Variants in FANCD2 observed in about 807,000 individuals in gnomAD.
FANCD2 encodes the protein FA complementation group D2, also known as Fanconi anemia group D2 protein.
Under a neutral mutation model 192.3 loss-of-function variants are expected in FANCD2, and 131 were observed. The ratio of observed to expected loss-of-function variants is 0.68; its 90% CI spans 0.59 to 0.79. FANCD2 has a LOEUF of 0.79. Among genes scored for constraint, FANCD2 ranks in the 30% least tolerant of loss-of-function variants. FANCD2 has a pLI of 0.00. For missense variants in FANCD2, 1,508 were observed against 1,701.6 expected, an observed-to-expected ratio of 0.89 and a Z score of 2.00; for synonymous variants, 524 against 612.5, an observed-to-expected ratio of 0.86 and a Z score of 2.13.
intron 19 of FANCD2, among the ~76,000 whole-genome samples, chr3:10,061,333 C>T (rs149408476): frequency 2.0e-4 from 31 of 152,298 alleles, no homozygotes; most frequent in African/African-American, 7.5e-4. Context: ...CTCCCTCTAA[C>T]CCCACCCCAA....
At chr3:10,054,265 G>A (rs1171091419) in intron 18 of FANCD2, among the ~76,000 whole-genome samples, 6 of 148,816 alleles carry the variant, frequency 4.0e-5, no homozygotes, top group Admixed American at 2.0e-4. Flanking sequence ...ATCATAACTT[G>A]TAACTCGTTT....
intron 18 of FANCD2, among the ~76,000 whole-genome samples, chr3:10,055,832 T>G (rs575292685): frequency 1.3e-5 from 2 of 151,754 alleles, no homozygotes; most frequent in East Asian, 1.9e-4. Flanking sequence ...TAATAATAAA[T>G]AAATAAATAA....
Position 10,043,030 on chromosome 3 carries a change from C to T in FANCD2, c.889-20C>T, listed in dbSNP as rs2086903543. 6.2e-7 allele frequency: 1 copy of T among 1,602,902 alleles called. No homozygotes were observed. Among genetic ancestry groups the T allele is most frequent in the African/African-American group, 1.3e-5 (1 of 74,672 alleles). On this transcript the variant is annotated intron_variant, in intron 11 of 43. Coordinates refer to ENST00000675286, the MANE Select transcript of FANCD2 (RefSeq NM_001018115.3). ...ACTATGAATGAGCAGAAAACCATAG[C>T]TAATATTTACTTTCTGCAGGTAATT...
chr3:10,074,809 A>G (rs1412699180), intron 29 of FANCD2, 136 bp downstream of exon 29: 6 of 715,434 alleles, frequency 8.4e-6, no homozygotes, highest in Non-Finnish European at 1.2e-5. Flanking sequence ...ATGTGAAAGC[A>G]ATGATGAATA....
chr3:10,088,316 C>T (rs1694358948), intron 34 of FANCD2, 133 bp from the exon 35 acceptor site: 2 of 721,010 alleles, frequency 2.8e-6, no homozygotes, highest in South Asian at 2.9e-5. Flanking sequence ...TGTAAGTTGC[C>T]TGTTAGACCG....
At chr3:10,082,711 A>G (rs1188694887) in intron 32 of FANCD2, among the ~76,000 whole-genome samples, 1 of 152,096 alleles carries the variant, frequency 6.6e-6, no homozygotes, top group East Asian at 1.9e-4. Context: ...TTAAGCATCC[A>G]TCCTGCCTCT....
In FANCD2 at chr3:10,039,745, C is replaced by G. The variant is rs756336462; in HGVS notation, c.595C>G (p.Leu199Val). The change falls in exon 9 of 44, where the codon CTG becomes GTG. Residue 199 changes from leucine to valine, a missense_variant. This residue lies in a region of FANCD2 where 435 missense variants were observed against 421.9 expected (regional missense o/e 1.03). Transcript: ENST00000675286. The stretch of plus-strand genomic sequence containing the variant: ...GGACCTCACCACCAAGATCATGCAG[C>G]TGATCAGTATTGCTCCAGAGAACCT... ...GKDLTTKIMQLISIAPENLQH... is the reference protein window; with the variant it reads ...GKDLTTKIMQVISIAPENLQH... 12 of 1,614,004 alleles carry G rather than the reference C, an allele frequency of 7.4e-6. No individual in the cohort carries two copies. Among genetic ancestry groups the G allele is most frequent in the Admixed American group, 1.7e-5 (1 of 59,984 alleles).
intron 30 of FANCD2, 120 bp from the exon 31 acceptor site, chr3:10,080,980 C>T: frequency 9.4e-7 from 1 of 1,067,746 alleles, no homozygotes. Context: ...AGGTTAACAA[C>T]TCATTTCTCC....
intron 28 of FANCD2, 149 bp from the exon 29 acceptor site, chr3:10,074,381 A>T: frequency 1.4e-6 from 1 of 692,376 alleles, no homozygotes; most frequent in Non-Finnish European, 2.4e-6. Flanking sequence ...GGGAATATTT[A>T]GGGACTTGGG....
At position 10,096,386 on chromosome 3, in the gene FANCD2, TTA is replaced by T; in HGVS notation, c.4100_4101del (p.Leu1367CysfsTer14). On this transcript the variant is annotated frameshift_variant, in exon 42 of 44. Coordinates refer to ENST00000675286, the MANE Select transcript of FANCD2 (RefSeq NM_001018115.3). LOFTEE classifies it high-confidence loss of function. Reference sequence around the variant, plus strand: ...TCTGCTCAAAAAGACCCTGGAACTTTTAGTTTGCAGAGTCAAAGCTATGCTCA... The same window carrying T: ...TCTGCTCAAAAAGACCCTGGAACTTTGTTTGCAGAGTCAAAGCTATGCTCA... The part of the protein sequence containing the change: ...VPLLKKTLEL[L>X]VCRVKAMLTL... 2 of 1,614,098 alleles carry T rather than the reference TTA, an allele frequency of 1.2e-6. No homozygotes were observed. Among genetic ancestry groups the T allele is most frequent in the South Asian group, 2.2e-5 (2 of 91,082 alleles).
intron 19 of FANCD2, among the ~76,000 whole-genome samples, chr3:10,060,701 TC>T (rs2087541219): frequency 6.6e-6 from 1 of 152,240 alleles, no homozygotes; most frequent in Non-Finnish European, 1.5e-5. Context: ...AATGCATTTT[TC>T]TTTATCTGCT....
At chr3:10,053,311 A>G (rs2125013335) in intron 18 of FANCD2, among the ~76,000 whole-genome samples, 1 of 142,626 alleles carries the variant, frequency 7.0e-6, no homozygotes, top group Admixed American at 7.5e-5. Flanking sequence ...TCTCAGTCAT[A>G]GGTGGGAATT....
intron 30 of FANCD2, among the ~76,000 whole-genome samples, chr3:10,079,455 G>C (rs183414970): frequency 6.6e-6 from 1 of 151,840 alleles, no homozygotes; most frequent in Non-Finnish European, 1.5e-5. Context: ...ACAGGCGCGC[G>C]CCACCACACC....
At chr3:10,079,055 A>G (rs534745310) in intron 30 of FANCD2, among the ~76,000 whole-genome samples, 6 of 152,136 alleles carry the variant, frequency 3.9e-5, no homozygotes, top group East Asian at 3.9e-4. Flanking sequence ...AGCCTGGCCA[A>G]CGTGGCAAGA....
intron 14 of FANCD2, among the ~76,000 whole-genome samples, chr3:10,044,601 C>T (rs1322780136): frequency 1.3e-5 from 2 of 151,802 alleles, no homozygotes; most frequent in Non-Finnish European, 2.9e-5. Context: ...GATAAAAAGC[C>T]GGATGATTGA....
chr3:10,057,380 T>A (rs1384810008), intron 18 of FANCD2, among the ~76,000 whole-genome samples: 1 of 151,864 alleles, frequency 6.6e-6, no homozygotes, highest in Non-Finnish European at 1.5e-5. Context: ...TCTTTTTTTT[T>A]TTTGAGATGG....
chr3:10,041,498 G>A lies in FANCD2; in HGVS notation c.696-125G>A, dbSNP rs2086862449. ...TTTTTAAAGAAACATACTATAAACG[G>A]TAACTTAATGGCAACTAAGTATGTC... On this transcript the variant is annotated intron_variant, in intron 9 of 43. Transcript: ENST00000675286. The A allele has an allele frequency of 9.8e-6, 7 of 717,594 alleles. No individual in the cohort carries two copies. The South Asian group carries it at 1.1e-4, about 11-fold the overall frequency. 44.5% of individuals were successfully genotyped at this position (717,594 alleles called of 1,614,324 possible). A position where few individuals can be genotyped will look rare whatever the true frequency, so the allele number is the denominator to read the frequency against.
At chr3:10,088,290 G>T (rs1694357019) in intron 34 of FANCD2, among the ~76,000 whole-genome samples, 159 bp from the exon 35 acceptor site, 1 of 152,232 alleles carries the variant, frequency 6.6e-6, no homozygotes, top group African/African-American at 2.4e-5. Flanking sequence ...AGTGGATCAG[G>T]AACGTGACAG....
intron 19 of FANCD2, 43 bp downstream of exon 19, chr3:10,060,446 A>T (rs772307876): frequency 1.4e-6 from 2 of 1,427,922 alleles, no homozygotes; most frequent in Non-Finnish European, 2.0e-6. Flanking sequence ...AGATCAGTTA[A>T]TCTTGCTAAC....
Sources: allele counts gnomAD v4.1 joint callset (sites outside exome capture counted in the v4.1 genomes callset), GRCh38; gene constraint gnomAD v4.1.1; regional missense constraint gnomAD v4.1.1; transcripts MANE v1.5; gene names NCBI Gene and HGNC (gene_info 2026-07-23, HGNC 2026-07-21).